The following CFAP54 variants were observed in gnomAD, a reference collection of about 807,000 sequenced individuals.
CFAP54 encodes cilia and flagella associated protein 54.
In CFAP54, 290 loss-of-function variants were observed where a neutral mutation model predicts 370.4. That is an observed-to-expected ratio of 0.78 (90% CI 0.71 to 0.86). The LOEUF is 0.86. CFAP54 is among the 40% of genes least tolerant of loss of function. CFAP54 has a pLI of 0.00. For missense variants in CFAP54, 3,399 were observed against 3,528.7 expected (o/e 0.96, Z 0.93); for synonymous variants, 1,206 against 1,236.5 (o/e 0.98, Z 0.52).
chr12:96,793,413 C>CAT (rs142543594), intron 63 of CFAP54, among the ~76,000 whole-genome samples: 23,829 of 151,872 alleles, frequency 0.16, 2,294 homozygotes, highest in East Asian at 0.26. Flanking sequence ...TGTATGTGTG[C>CAT]ATATGTATAT....
intron 65 of CFAP54, among the ~76,000 whole-genome samples, chr12:96,820,619 A>G (rs1032318456): frequency 6.6e-6 from 1 of 152,180 alleles, no homozygotes; most frequent in Non-Finnish European, 1.5e-5. Context: ...AGTGTCCTCC[A>G]ATGTTGCAAC....
chr12:96,590,449 C>T (rs990200569), intron 23 of CFAP54, among the ~76,000 whole-genome samples: 5 of 152,170 alleles, frequency 3.3e-5, no homozygotes, highest in Non-Finnish European at 7.3e-5. Context: ...TCTCCCTCAC[C>T]TGGTTGTTAA....
chr12:96,768,247 G>A (rs929717799), intron 60 of CFAP54, among the ~76,000 whole-genome samples: 2 of 152,192 alleles, frequency 1.3e-5, no homozygotes, highest in African/African-American at 4.8e-5. Flanking sequence ...CTTGAACCCA[G>A]AAGGTGGAGG....
rs1957736289 is a variant in CFAP54, at chr12:96,720,445, T to A, written c.6845T>A (p.Leu2282His). The A allele has an allele frequency of 6.3e-7, 1 of 1,590,846 alleles. No individual in the cohort carries two copies. Among genetic ancestry groups the A allele is most frequent in the African/African-American group, 1.4e-5 (1 of 73,972 alleles). ...LMEAEDRLNF[L>H]LSEVEQKTLS... ...GAAGCTGAGGACAGGCTAAACTTCC[T>A]TCTGTCCGAGGTGGAACAGAAGACC... The change falls in exon 50 of 68, where the codon CTT becomes CAT. Residue 2282 changes from leucine to histidine, a missense_variant. By Grantham distance (99) the Leu-to-His change is moderately conservative. Transcript: ENST00000524981.
chr12:96,709,181 T>C (rs956404638), intron 48 of CFAP54, among the ~76,000 whole-genome samples: 6 of 152,206 alleles, frequency 3.9e-5, no homozygotes, highest in African/African-American at 1.2e-4. Context: ...GACTGTATAG[T>C]ATTCTAGGCC....
At chr12:96,822,332 C>T (rs1478957622) in intron 65 of CFAP54, among the ~76,000 whole-genome samples, 1 of 151,996 alleles carries the variant, frequency 6.6e-6, no homozygotes, top group Non-Finnish European at 1.5e-5. Flanking sequence ...ATATGTTTGC[C>T]AAGTCACCTA....
At chr12:96,561,746 CAT>C (rs1491027215) in intron 17 of CFAP54, among the ~76,000 whole-genome samples, 15 of 137,120 alleles carry the variant, frequency 1.1e-4, no homozygotes, top group South Asian at 2.3e-4. Context: ...CACACACACA[CAT>C]GTATATATAT....
intron 60 of CFAP54, among the ~76,000 whole-genome samples, chr12:96,774,744 T>A (rs1387436594): frequency 6.6e-6 from 1 of 152,192 alleles, no homozygotes; most frequent in Non-Finnish European, 1.5e-5. Flanking sequence ...GAATATTATA[T>A]GCCCTTTATA....
chr12:96,792,184 G>T, intron 62 of CFAP54, 145 bp from the exon 63 acceptor site: 1 of 678,242 alleles, frequency 1.5e-6, no homozygotes, highest in Non-Finnish European at 2.3e-6. Context: ...CTTCTCTGTA[G>T]TAAGCCAGGG....
intron 39 of CFAP54, among the ~76,000 whole-genome samples, chr12:96,676,881 G>A (rs567630541): frequency 6.6e-6 from 1 of 152,286 alleles, no homozygotes; most frequent in East Asian, 1.9e-4. Context: ...TCTATCATGG[G>A]AGGGAGGACC....
Position 96,507,554 on chromosome 12 carries a change from CACACAT to C in CFAP54, c.739+461_739+466del, listed in dbSNP as rs768577323. On this transcript the variant is annotated intron_variant, in intron 4 of 67. Coordinates refer to ENST00000524981, the MANE Select transcript of CFAP54 (RefSeq NM_001306084.2). The stretch of plus-strand genomic sequence containing the variant: ...ACACATACACACACACACACACACA[CACACAT>C]ACACACACACATATGTACATTATGT... Among the ~76,000 whole-genome samples, 1,112 of 144,612 alleles carry C rather than the reference CACACAT, an allele frequency of 7.7e-3. 4 individuals carry two copies. The highest frequency in any genetic ancestry group is 0.017 in the African/African-American group (675 of 40,022). The allele number at this position is 144,612 out of a possible 152,430, so 94.9% of individuals were successfully genotyped here. A position where few individuals can be genotyped will look rare whatever the true frequency, so the allele number is the denominator to read the frequency against.
At chr12:96,696,828 G>A (rs1957443428) in intron 45 of CFAP54, among the ~76,000 whole-genome samples, 1 of 152,194 alleles carries the variant, frequency 6.6e-6, no homozygotes, top group Admixed American at 6.5e-5. Context: ...GCCTGTGTGA[G>A]CAGAGTTTGC....
intron 26 of CFAP54, among the ~76,000 whole-genome samples, chr12:96,621,288 T>C (rs815872): frequency 0.15 from 22,301 of 152,222 alleles, 2,126 homozygotes; most frequent in East Asian, 0.44. Flanking sequence ...GGAATTGTTT[T>C]CTTAATAGTT....
chr12:96,658,203 CT>C lies in CFAP54; in HGVS notation c.5325-7del. The C allele has an allele frequency of 6.2e-7, 1 of 1,609,776 alleles. No homozygotes were observed. The highest frequency in any genetic ancestry group is 8.5e-7 in the Non-Finnish European group (1 of 1,178,772). The stretch of plus-strand genomic sequence containing the variant: ...TTTCTTTTTAATGTATTCTTTACCC[CT>C]GTCTAGTGAGAGGTATACAGAACAA... On this transcript the variant is annotated splice_polypyrimidine_tract_variant and splice_region_variant and intron_variant, in intron 37 of 67. Transcript: ENST00000524981.
chr12:96,789,408 C>T (rs1301395485), intron 62 of CFAP54, among the ~76,000 whole-genome samples: 1 of 152,196 alleles, frequency 6.6e-6, no homozygotes. Flanking sequence ...GATTCAGATT[C>T]ACCCCTCCTG....
intron 66 of CFAP54, among the ~76,000 whole-genome samples, chr12:96,855,266 A>G (rs1311170124): frequency 6.6e-6 from 1 of 152,186 alleles, no homozygotes; most frequent in East Asian, 1.9e-4. Flanking sequence ...GTGGGGACAC[A>G]GCCAAACCAT....
At chr12:96,656,321 A>G (rs1956922789) in intron 36 of CFAP54, among the ~76,000 whole-genome samples, 1 of 142,194 alleles carries the variant, frequency 7.0e-6, no homozygotes. Context: ...CCCCTTTTGG[A>G]TTGGGATCAA....
chr12:96,606,389 A>ATAGC (rs1956301187), intron 26 of CFAP54, among the ~76,000 whole-genome samples: 2 of 152,368 alleles, frequency 1.3e-5, no homozygotes, highest in South Asian at 4.1e-4. Flanking sequence ...AGAGGTCTAT[A>ATAGC]TAGCCATAGT....
chr12:96,838,911 C>T (rs769055341), intron 66 of CFAP54, among the ~76,000 whole-genome samples: 4 of 152,202 alleles, frequency 2.6e-5, no homozygotes, highest in Non-Finnish European at 5.9e-5. Flanking sequence ...CCCAAAGCCA[C>T]ACAGCTGGTA....
Sources: allele counts gnomAD v4.1 joint callset (sites outside exome capture counted in the v4.1 genomes callset), GRCh38; gene constraint gnomAD v4.1.1; transcripts MANE v1.5; gene names NCBI Gene and HGNC (gene_info 2026-07-23, HGNC 2026-07-21).